Variants in ROPN1 observed in about 807,000 individuals in gnomAD.
ROPN1 encodes rhophilin associated tail protein 1.
ROPN1 carries 14 observed loss-of-function variants against 20.5 expected under a neutral mutation model. That is an observed-to-expected ratio of 0.68 (90% CI 0.45 to 1.07). The LOEUF (loss-of-function observed/expected upper bound fraction) is 1.07. ROPN1 is among the 50% of genes least tolerant of loss of function. The pLI is 0.00. For missense variants in ROPN1, 169 were observed against 242.8 expected (o/e 0.70, Z 2.02); for synonymous variants, 76 against 95.7 (o/e 0.79, Z 1.20).
chr3:123,985,940 C>T (rs975285735), intron 1 of ROPN1, among the ~76,000 whole-genome samples: 1 of 129,824 alleles, frequency 7.7e-6, no homozygotes, highest in African/African-American at 3.0e-5. Flanking sequence ...TTGCAATGAG[C>T]CAAGATCACA....
intron 4 of ROPN1, among the ~76,000 whole-genome samples, chr3:123,971,016 G>T (rs2037904196): frequency 6.6e-6 from 1 of 151,822 alleles, no homozygotes; most frequent in African/African-American, 2.4e-5. Flanking sequence ...GTCACCAACA[G>T]ATCTTGGTGG....
chr3:123,977,880 A>G (rs2038056165), intron 2 of ROPN1, among the ~76,000 whole-genome samples: 1 of 152,176 alleles, frequency 6.6e-6, no homozygotes, highest in Non-Finnish European at 1.5e-5. Context: ...AGATGAAAAG[A>G]GGCTGCCTGC....
At chr3:123,973,411 G>A (rs2037952548) in intron 4 of ROPN1, among the ~76,000 whole-genome samples, 1 of 152,164 alleles carries the variant, frequency 6.6e-6, no homozygotes, top group Non-Finnish European at 1.5e-5. Context: ...GTGGGCCTGA[G>A]GGTGTCTCAG....
intron 1 of ROPN1, among the ~76,000 whole-genome samples, chr3:123,988,959 G>A (rs2038334481): frequency 1.3e-5 from 2 of 151,982 alleles, no homozygotes; most frequent in Non-Finnish European, 2.9e-5. Context: ...AACATCTGCA[G>A]GTATTAGAAG....
intron 4 of ROPN1, chr3:123,974,867 T>A (rs2037987964): frequency 5.5e-6 from 1 of 180,546 alleles, no homozygotes; most frequent in African/African-American, 2.4e-5. Context: ...TGTATGAACA[T>A]CCTGCATCCA....
At chr3:123,969,378 A>T (rs115569253) in intron 5 of ROPN1, among the ~76,000 whole-genome samples, 157 bp from the exon 6 acceptor site, 1 of 152,144 alleles carries the variant, frequency 6.6e-6, no homozygotes, top group South Asian at 2.1e-4. Flanking sequence ...TGGCTCTGTC[A>T]TCCAGGCTGG....
At chr3:123,985,992 C>CAAAAAAAAAAAAAAAAAAAAAAAAAAA (rs35677015) in intron 1 of ROPN1, among the ~76,000 whole-genome samples, 7 of 22,138 alleles carry the variant, frequency 3.2e-4, no homozygotes, top group African/African-American at 6.4e-4. Context: ...GACCTTGTCT[C>CAAAAAAAAAAAAAAAAAAAAAAAAAAA]AAAAAAAAAA....
At chr3:123,982,542 T>C (rs996470833) in intron 1 of ROPN1, among the ~76,000 whole-genome samples, 12 of 152,278 alleles carry the variant, frequency 7.9e-5, no homozygotes, top group African/African-American at 2.6e-4. Flanking sequence ...TCTAGATGCT[T>C]GTTTCATTAT....
intron 4 of ROPN1, among the ~76,000 whole-genome samples, chr3:123,974,389 CA>C (rs1257389944): frequency 6.6e-6 from 1 of 152,148 alleles, no homozygotes; most frequent in Non-Finnish European, 1.5e-5. Context: ...CTATAAAGGA[CA>C]ATGAAGAAAG....
intron 1 of ROPN1, among the ~76,000 whole-genome samples, chr3:123,991,020 T>A (rs1485640087): frequency 6.6e-6 from 1 of 152,204 alleles, no homozygotes; most frequent in Non-Finnish European, 1.5e-5. Context: ...CATCCCTGTT[T>A]GGGTTTGGAA....
Position 123,969,069 on chromosome 3 carries a change from A to G in ROPN1, c.*86T>C. ...TAGTGTGTACCAGTTGTACAAGAAA[A>G]TTGATTTTGGGTGGTATATGGGTTT... On this transcript the variant is annotated 3_prime_UTR_variant, in exon 6 of 6. Transcript: ENST00000405845. The G allele has an allele frequency of 9.4e-7, 1 of 1,059,558 alleles. No homozygotes were observed. Among genetic ancestry groups the G allele is most frequent in the East Asian group, 2.4e-5 (1 of 42,280 alleles). The allele number at this position is 1,059,558 out of a possible 1,614,324, so 65.6% of individuals were successfully genotyped here. A position where few individuals can be genotyped will look rare whatever the true frequency, so the allele number is the denominator to read the frequency against.
chr3:123,991,316 T>TA (rs1290913723), intron 1 of ROPN1: 1 of 115,284 alleles, frequency 8.7e-6, no homozygotes, highest in East Asian at 2.4e-4. Context: ...TAGGTACTAG[T>TA]AAAAATGAAT....
chr3:123,969,858 A>G (rs916638294), intron 5 of ROPN1, among the ~76,000 whole-genome samples, 184 bp downstream of exon 5: 1 of 152,006 alleles, frequency 6.6e-6, no homozygotes, highest in Non-Finnish European at 1.5e-5. Flanking sequence ...TTGTTTTCCT[A>G]TATCATTCTT....
intron 2 of ROPN1, among the ~76,000 whole-genome samples, chr3:123,977,924 G>C (rs1275002985): frequency 6.6e-6 from 1 of 152,174 alleles, no homozygotes; most frequent in African/African-American, 2.4e-5. Context: ...TGACATGTGG[G>C]TCACCAATGC....
chr3:123,987,359 TTCTGTGCCTTCCCTCTGTCCACTG>T (rs1487729463), intron 1 of ROPN1, among the ~76,000 whole-genome samples: 5 of 152,220 alleles, frequency 3.3e-5, no homozygotes, highest in African/African-American at 7.2e-5. Context: ...TCAGCCAAGC[TTCTGTGCCTTCCCTCTGTCCACTG>T]TCTGTGCCTT....
intron 1 of ROPN1, among the ~76,000 whole-genome samples, chr3:123,989,072 G>C (rs2038338120): frequency 6.6e-6 from 1 of 152,174 alleles, no homozygotes; most frequent in Non-Finnish European, 1.5e-5. Context: ...GCCCTCAGAA[G>C]ACAGCCGGGT....
At chr3:123,990,492 T>C (rs1393525066) in intron 1 of ROPN1, among the ~76,000 whole-genome samples, 3 of 152,196 alleles carry the variant, frequency 2.0e-5, no homozygotes, top group East Asian at 1.9e-4. Flanking sequence ...AGGAGTTCCA[T>C]GCACTTTTGA....
Position 123,980,360 on chromosome 3 carries a change from A to T in ROPN1, c.116+6T>A. The T allele has an allele frequency of 6.2e-7, 1 of 1,614,060 alleles. No individual in the cohort carries two copies. Among genetic ancestry groups the T allele is most frequent in the Non-Finnish European group, 8.5e-7 (1 of 1,179,932 alleles). Reference sequence around the variant, plus strand: ...CAAGGGGTGAAGGCGAGAAAGGAGCACGTACTCGGCTGCCCACTGGATGAG... The same window carrying T: ...CAAGGGGTGAAGGCGAGAAAGGAGCTCGTACTCGGCTGCCCACTGGATGAG... On this transcript the variant is annotated splice_donor_region_variant and intron_variant, in intron 2 of 5. Coordinates refer to ENST00000405845, the MANE Select transcript of ROPN1 (RefSeq NM_001317774.2).
intron 4 of ROPN1, among the ~76,000 whole-genome samples, chr3:123,974,076 A>T (rs1308048814): frequency 6.6e-6 from 1 of 152,222 alleles, no homozygotes; most frequent in East Asian, 1.9e-4. Flanking sequence ...CAGTTACTGC[A>T]TCAGACTAAA....
Sources: allele counts gnomAD v4.1 joint callset (sites outside exome capture counted in the v4.1 genomes callset), GRCh38; gene constraint gnomAD v4.1.1; transcripts MANE v1.5; gene names NCBI Gene and HGNC (gene_info 2026-07-23, HGNC 2026-07-21).